The following OSBPL8 variants were observed in gnomAD, a reference collection of about 807,000 sequenced individuals.
OSBPL8 encodes oxysterol binding protein like 8.
OSBPL8 carries 59 observed loss-of-function variants against 125.5 expected under a neutral mutation model. That is an observed-to-expected ratio of 0.47 (90% CI 0.38 to 0.58). The LOEUF is 0.58. Among genes scored for constraint, OSBPL8 ranks in the 20% least tolerant of loss-of-function variants. The pLI, the probability that OSBPL8 is intolerant of heterozygous loss-of-function variation, is 0.00. For missense variants in OSBPL8, 758 were observed against 1,047.8 expected (o/e 0.72, Z 3.82); for synonymous variants, 330 against 338.9 (o/e 0.97, Z 0.29).
chr12:76,361,298 A>G (rs1271087775), intron 21 of OSBPL8, among the ~76,000 whole-genome samples: 2 of 152,204 alleles, frequency 1.3e-5, no homozygotes, highest in Non-Finnish European at 2.9e-5. Context: ...AAGCATAACA[A>G]GAGTCACCTT....
intron 8 of OSBPL8, among the ~76,000 whole-genome samples, chr12:76,395,694 A>G (rs1419819544): frequency 1.3e-5 from 2 of 152,146 alleles, no homozygotes; most frequent in Non-Finnish European, 2.9e-5. Context: ...TATGTGTACA[A>G]TGGGAAGAAA....
At chr12:76,456,698 G>A (rs569538732) in intron 3 of OSBPL8, among the ~76,000 whole-genome samples, 9 of 152,094 alleles carry the variant, frequency 5.9e-5, no homozygotes, top group Non-Finnish European at 1.3e-4. Context: ...TACATAATAC[G>A]AAGAGTCAAC....
intron 1 of OSBPL8, among the ~76,000 whole-genome samples, chr12:76,503,080 G>C (rs1303802424): frequency 6.6e-6 from 1 of 152,178 alleles, no homozygotes; most frequent in Non-Finnish European, 1.5e-5. Flanking sequence ...TACATTTTAC[G>C]CAAGACAGTT....
chr12:76,367,370 TA>T (rs1374063779), intron 21 of OSBPL8, among the ~76,000 whole-genome samples: 13 of 152,164 alleles, frequency 8.5e-5, no homozygotes, highest in Non-Finnish European at 1.9e-4. Context: ...CTTTGGTTAC[TA>T]TTGGCCACCT....
At chr12:76,550,238 T>C (rs1950898182) in intron 1 of OSBPL8, among the ~76,000 whole-genome samples, 1 of 152,210 alleles carries the variant, frequency 6.6e-6, no homozygotes, top group Non-Finnish European at 1.5e-5. Flanking sequence ...TATCCAAATT[T>C]TTTTTTAATT....
In OSBPL8 at chr12:76,397,883, T is replaced by C. The variant is rs35436760; in HGVS notation, c.483A>G (p.Leu161=). Residue 161 remains leucine, a synonymous_variant, in exon 8 of 24, where the codon CTA becomes CTG. Coordinates refer to ENST00000261183, the MANE Select transcript of OSBPL8 (RefSeq NM_020841.5). ...MADWLKIRGT[L]KSWTKLWCVL... is the part of the protein sequence containing the mutation. ...CACACCATAACTTGGTCCAGCTCTT[T>C]AGAGTACCACGAATCTACAGAAAGA... The C allele has an allele frequency of 7.0e-4, 1,122 of 1,613,984 alleles. 2 individuals are homozygous for C. The African/African-American group carries it at 7.1e-3, about 10-fold the overall frequency.
At chr12:76,550,488 CA>C (rs1207293405) in intron 1 of OSBPL8, among the ~76,000 whole-genome samples, 2 of 152,080 alleles carry the variant, frequency 1.3e-5, no homozygotes, top group Non-Finnish European at 2.9e-5. Flanking sequence ...TTGTTTAGGC[CA>C]GGGGTGTCCA....
chr12:76,459,716 TCTTTA>T (rs751152467), intron 3 of OSBPL8, 138 bp downstream of exon 3: 32 of 919,686 alleles, frequency 3.5e-5, no homozygotes, highest in Non-Finnish European at 4.3e-5. Context: ...CCATTTATAT[TCTTTA>T]CTTTATATTT....
intron 1 of OSBPL8, among the ~76,000 whole-genome samples, chr12:76,528,252 G>C (rs533533264): frequency 6.6e-6 from 1 of 151,470 alleles, no homozygotes; most frequent in Admixed American, 6.6e-5. Flanking sequence ...ACTGGGACCT[G>C]GGAGGCGGAG....
intron 1 of OSBPL8, among the ~76,000 whole-genome samples, chr12:76,497,907 C>T (rs191187940): frequency 4.5e-4 from 68 of 152,266 alleles, no homozygotes; most frequent in Non-Finnish European, 7.6e-4. Flanking sequence ...CTAAGGAACA[C>T]ATGAATTTAT....
At chr12:76,457,837 T>C (rs1874244148) in intron 3 of OSBPL8, among the ~76,000 whole-genome samples, 1 of 152,218 alleles carries the variant, frequency 6.6e-6, no homozygotes. Context: ...TAAAATGCTA[T>C]TCTATTTATA....
chr12:76,448,831 G>A (rs1183073880), intron 4 of OSBPL8, among the ~76,000 whole-genome samples: 5 of 152,144 alleles, frequency 3.3e-5, no homozygotes, highest in Non-Finnish European at 7.4e-5. Flanking sequence ...TGGCCAACAC[G>A]GTGAAATCCC....
chr12:76,446,449 T>C (rs1872728928), intron 4 of OSBPL8, among the ~76,000 whole-genome samples: 1 of 152,152 alleles, frequency 6.6e-6, no homozygotes, highest in African/African-American at 2.4e-5. Context: ...ACATCTACTA[T>C]GTAATTTACT....
chr12:76,414,339 T>C (rs1463178060), intron 4 of OSBPL8, among the ~76,000 whole-genome samples: 1 of 151,762 alleles, frequency 6.6e-6, no homozygotes, highest in Non-Finnish European at 1.5e-5. Context: ...ATGTTTAATG[T>C]AGATTTTTGA....
intron 4 of OSBPL8, among the ~76,000 whole-genome samples, chr12:76,418,010 C>CTTTTTTTTTTTTTTT (rs35319213): frequency 1.8e-5 from 2 of 111,556 alleles, no homozygotes; most frequent in Non-Finnish European, 3.6e-5. Context: ...TTTTCACTAC[C>CTTTTTTTTTTTTTTT]TTTTTTTTTT....
At chr12:76,471,042 CA>C (rs551003161) in intron 2 of OSBPL8, among the ~76,000 whole-genome samples, 2 of 151,060 alleles carry the variant, frequency 1.3e-5, no homozygotes, top group Non-Finnish European at 3.0e-5. Flanking sequence ...GTTTATAACC[CA>C]AAAAAAAGCC....
chr12:76,472,611 C>T (rs146629784), intron 2 of OSBPL8, among the ~76,000 whole-genome samples: 5,687 of 152,252 alleles, frequency 0.037, 358 homozygotes, highest in African/African-American at 0.12. Context: ...GGTAAGGTCA[C>T]GTGGGTCACG....
intron 1 of OSBPL8, among the ~76,000 whole-genome samples, chr12:76,511,626 C>A (rs1006570804): frequency 1.3e-5 from 2 of 152,096 alleles, no homozygotes; most frequent in South Asian, 2.1e-4. Flanking sequence ...GGATATTAGA[C>A]CTCTGTGAGG....
intron 1 of OSBPL8, among the ~76,000 whole-genome samples, chr12:76,512,290 C>A (rs1881080189): frequency 1.3e-5 from 2 of 152,172 alleles, no homozygotes; most frequent in South Asian, 4.1e-4. Context: ...CATGTTCTCA[C>A]AAAAGACATG....
Sources: allele counts gnomAD v4.1 joint callset (sites outside exome capture counted in the v4.1 genomes callset), GRCh38; gene constraint gnomAD v4.1.1; transcripts MANE v1.5; gene names NCBI Gene and HGNC (gene_info 2026-07-23, HGNC 2026-07-21).